GLB1L3: variants seen among roughly 807,000 people sequenced by gnomAD.
GLB1L3 encodes the protein galactosidase beta 1 like 3, also known as beta-galactosidase-1-like protein 3.
In GLB1L3, 89 loss-of-function variants were observed where a neutral mutation model predicts 89.5. The observed-to-expected ratio is 0.99, with a 90% CI of 0.84 to 1.19. The LOEUF (loss-of-function observed/expected upper bound fraction) is 1.19. Among genes scored for constraint, GLB1L3 ranks in the 50% most tolerant of loss-of-function variants. The pLI, the probability that GLB1L3 is intolerant of heterozygous loss-of-function variation, is 0.00. For missense variants in GLB1L3, 812 were observed against 813.3 expected, an observed-to-expected ratio of 1.00 and a Z score of 0.02; for synonymous variants, 314 against 312.3, an observed-to-expected ratio of 1.01 and a Z score of -0.06.
chr11:134,308,496 CA>C lies in GLB1L3; in HGVS notation c.962-1127del, dbSNP rs1185221946. Among the ~76,000 whole-genome samples, 12 of 9,658 alleles carry C rather than the reference CA, an allele frequency of 1.2e-3. 1 individual carries two copies. Among genetic ancestry groups the C allele is most frequent in the South Asian group, 2.6e-3 (1 of 380 alleles). The allele number at this position is 9,658 out of a possible 152,430, so 6.3% of individuals were successfully genotyped here. A position where few individuals can be genotyped will look rare whatever the true frequency, so the allele number is the denominator to read the frequency against. On this transcript the variant is annotated intron_variant, in intron 10 of 19. Coordinates refer to ENST00000431683, the MANE Select transcript of GLB1L3 (RefSeq NM_001080407.3). ...CAAATACCACCACCACCATCACCACCAAATACCACCACCACCACCACCATGT... is the reference window on the plus strand; with the variant it reads ...CAAATACCACCACCACCATCACCACCAATACCACCACCACCACCACCATGT...
In GLB1L3 at chr11:134,276,793, G is replaced by C. The variant is rs1285052225; in HGVS notation, c.23+30G>C. ...CGGATCGCCGCTGCCGTCCCGGGCT[G>C]CCCACCACCCCGGCGCGTGCCCGGG... On this transcript the variant is annotated intron_variant, in intron 1 of 19. Coordinates refer to ENST00000431683, the MANE Select transcript of GLB1L3 (RefSeq NM_001080407.3). 6.4e-6 allele frequency: 9 copies of C among 1,402,958 alleles called. 1 individual carries two copies. In the Admixed American group the frequency reaches 8.1e-5, roughly 13 times the overall value. 86.9% of individuals were successfully genotyped at this position (1,402,958 alleles called of 1,614,324 possible). A position where few individuals can be genotyped will look rare whatever the true frequency, so the allele number is the denominator to read the frequency against.
intron 9 of GLB1L3, among the ~76,000 whole-genome samples, chr11:134,301,881 C>T (rs537486719): frequency 3.9e-5 from 6 of 152,050 alleles, no homozygotes; most frequent in African/African-American, 4.8e-5. Context: ...TTCAGACATA[C>T]GGAGTTTTTC....
At chr11:134,298,809 A>T (rs1322090092) in intron 9 of GLB1L3, among the ~76,000 whole-genome samples, 1 of 152,188 alleles carries the variant, frequency 6.6e-6, no homozygotes, top group African/African-American at 2.4e-5. Flanking sequence ...CAGCGTGAAA[A>T]TGGACTAATA....
intron 13 of GLB1L3, 171 bp from the exon 14 acceptor site, chr11:134,312,178 C>A: frequency 1.5e-6 from 1 of 659,614 alleles, no homozygotes; most frequent in South Asian, 2.3e-5. Context: ...AGTTTCCTTC[C>A]TGGGCAGTGG....
At chr11:134,313,556 T>A (rs1144215) in intron 16 of GLB1L3, 82 bp downstream of exon 16, 1 of 680,804 alleles carries the variant, frequency 1.5e-6, no homozygotes, top group Non-Finnish European at 2.6e-6. Context: ...CGGGAGAGGG[T>A]GGGGAAACCA....
chr11:134,278,372 C>A (rs112178083), intron 3 of GLB1L3, among the ~76,000 whole-genome samples: 3,539 of 152,154 alleles, frequency 0.023, 149 homozygotes, highest in African/African-American at 0.081. Context: ...GCAGCTTCTA[C>A]TTCTCTGGCT....
downstream of GLB1L3, among the ~76,000 whole-genome samples, chr11:134,324,319 A>G (rs902477112): frequency 3.9e-5 from 6 of 152,178 alleles, no homozygotes; most frequent in African/African-American, 1.4e-4. Flanking sequence ...ATAATTCAGG[A>G]AAACATATTT....
At chr11:134,285,180 T>G (rs1416687691) in intron 6 of GLB1L3, among the ~76,000 whole-genome samples, 1 of 152,006 alleles carries the variant, frequency 6.6e-6, no homozygotes, top group Non-Finnish European at 1.5e-5. Flanking sequence ...CCACCACCTC[T>G]GCCTCCCAAA....
Position 134,311,124 on chromosome 11 carries a change from C to G in GLB1L3, c.1241C>G (p.Pro414Arg). 6.2e-7 allele frequency: 1 copy of G among 1,613,844 alleles called. No homozygotes were observed. The highest frequency in any genetic ancestry group is 8.5e-7 in the Non-Finnish European group (1 of 1,179,840). Reference sequence around the variant, plus strand: ...AAGGCTGTGTATCCCCCCGTGAGACCGTCGCTGTACCTCCCGCTGTGGGAC... The same window carrying G: ...AAGGCTGTGTATCCCCCCGTGAGACGGTCGCTGTACCTCCCGCTGTGGGAC... The part of the protein sequence containing the change: ...PPKAVYPPVR[P>R]SLYLPLWDAL... Residue 414 changes from proline to arginine, a missense_variant, in exon 13 of 20, where the codon CCG becomes CGG. By Grantham distance (103) the Pro-to-Arg change is moderately radical (BLOSUM62 -2). Around this residue, in one of 3 missense-constraint regions of GLB1L3, gnomAD observed 618 missense variants for 604.0 expected, o/e 1.02. Coordinates refer to ENST00000431683, the MANE Select transcript of GLB1L3 (RefSeq NM_001080407.3).
chr11:134,318,001 C>T (rs1267560592), intron 18 of GLB1L3, among the ~76,000 whole-genome samples: 3 of 152,120 alleles, frequency 2.0e-5, no homozygotes, highest in Non-Finnish European at 4.4e-5. Flanking sequence ...GTTTACATAT[C>T]ATTATCCATT....
chr11:134,321,544 A>G (rs1943168983), downstream of GLB1L3, among the ~76,000 whole-genome samples: 1 of 152,144 alleles, frequency 6.6e-6, no homozygotes, highest in Non-Finnish European at 1.5e-5. Flanking sequence ...GATAGACTGG[A>G]TTAAGAAAAT....
chr11:134,277,628 A>G, intron 2 of GLB1L3, 72 bp from the exon 3 acceptor site: 1 of 1,537,550 alleles, frequency 6.5e-7, no homozygotes, highest in Non-Finnish European at 8.9e-7. Context: ...CTAGGGTTTC[A>G]GCCGTGCCTC....
At position 134,308,490 on chromosome 11, in the gene GLB1L3, CACCACCAAAT is replaced by C. The variant is rs1326251744; in HGVS notation, c.962-1128_962-1119del. 1.8e-3 allele frequency among the ~76,000 whole-genome samples: 15 copies of C among 8,412 alleles called. 2 individuals are homozygous for C. Among genetic ancestry groups the C allele is most frequent in the Non-Finnish European group, 3.5e-3 (13 of 3,690 alleles). The allele number at this position is 8,412 out of a possible 152,430, so 5.5% of individuals were successfully genotyped here. A position where few individuals can be genotyped will look rare whatever the true frequency, so the allele number is the denominator to read the frequency against. On this transcript the variant is annotated intron_variant, in intron 10 of 19. Transcript: ENST00000431683. ...CACCACCAAATACCACCACCACCATCACCACCAAATACCACCACCACCACCACCATGTCCA... is the reference window on the plus strand; with the variant it reads ...CACCACCAAATACCACCACCACCATCACCACCACCACCACCACCATGTCCA...
At chr11:134,301,840 A>G (rs764772118) in intron 9 of GLB1L3, among the ~76,000 whole-genome samples, 5 of 152,168 alleles carry the variant, frequency 3.3e-5, no homozygotes, top group Non-Finnish European at 7.3e-5. Context: ...TCTTTGGCCT[A>G]TGAGTATGTT....
intron 10 of GLB1L3, among the ~76,000 whole-genome samples, chr11:134,308,446 TC>T (rs1942458620): frequency 1.2e-4 from 2 of 16,858 alleles, no homozygotes; most frequent in Admixed American, 8.5e-4. Flanking sequence ...ACCACCACCA[TC>T]ACCACCACCA....
At chr11:134,308,679 C>CCACCACCACCATCACCACCAT (rs1565414991) in intron 10 of GLB1L3, among the ~76,000 whole-genome samples, 6 of 151,506 alleles carry the variant, frequency 4.0e-5, no homozygotes, top group Non-Finnish European at 8.8e-5. Context: ...ACCACCAACA[C>CCACCACCACCATCACCACCAT]CACCACCACC....
chr11:134,306,177 A>G (rs1393001190), intron 9 of GLB1L3, among the ~76,000 whole-genome samples: 3 of 152,244 alleles, frequency 2.0e-5, no homozygotes, highest in Non-Finnish European at 4.4e-5. Context: ...GAGAAAAACC[A>G]CAGGTTTACA....
At chr11:134,305,510 A>G (rs1258411245) in intron 9 of GLB1L3, among the ~76,000 whole-genome samples, 2 of 152,176 alleles carry the variant, frequency 1.3e-5, no homozygotes, top group East Asian at 3.8e-4. Flanking sequence ...TCCATTTCTC[A>G]GTCCTTATTT....
chr11:134,276,665 G>A lies in GLB1L3; in HGVS notation c.-76G>A. 2 of 1,306,710 alleles carry A rather than the reference G, an allele frequency of 1.5e-6. No individual in the cohort carries two copies. The highest frequency in any genetic ancestry group is 2.0e-6 in the Non-Finnish European group (2 of 1,013,114). 80.9% of individuals were successfully genotyped at this position (1,306,710 alleles called of 1,614,324 possible). Reference sequence around the variant, plus strand: ...CCCGCGGAACCGGGGCTCGAGTCCCGGCCCGAGCGCGGCGTCGGGGCCAGC... The same window carrying A: ...CCCGCGGAACCGGGGCTCGAGTCCCAGCCCGAGCGCGGCGTCGGGGCCAGC... On this transcript the variant is annotated 5_prime_UTR_variant, in exon 1 of 20. Coordinates refer to ENST00000431683, the MANE Select transcript of GLB1L3 (RefSeq NM_001080407.3).
Sources: allele counts gnomAD v4.1 joint callset (sites outside exome capture counted in the v4.1 genomes callset), GRCh38; gene constraint gnomAD v4.1.1; regional missense constraint gnomAD v4.1.1; transcripts MANE v1.5; gene names NCBI Gene and HGNC (gene_info 2026-07-23, HGNC 2026-07-21).